BRINP3: variants seen among roughly 807,000 people sequenced by gnomAD.
The protein encoded by BRINP3 is BMP/retinoic acid-inducible neural-specific protein 3.
Under a neutral mutation model 71.0 loss-of-function variants are expected in BRINP3, and 19 were observed. The ratio of observed to expected loss-of-function variants is 0.27; its 90% CI spans 0.19 to 0.39. The LOEUF is 0.39. Among genes scored for constraint, BRINP3 ranks in the 10% least tolerant of loss-of-function variants. The probability of loss-of-function intolerance (pLI) is 1.00; values close to 1 mark genes in which losing one functional copy is unlikely to be tolerated. For missense variants in BRINP3, 959 were observed against 940.8 expected, an observed-to-expected ratio of 1.02 and a Z score of -0.25; for synonymous variants, 380 against 337.7, an observed-to-expected ratio of 1.13 and a Z score of -1.37.
At chr1:190,348,107 T>C (rs1035186707) in intron 2 of BRINP3, among the ~76,000 whole-genome samples, 2 of 152,122 alleles carry the variant, frequency 1.3e-5, no homozygotes, top group African/African-American at 4.8e-5. Flanking sequence ...AAAATTCTAA[T>C]AGGGAAGAGA....
At chr1:190,386,437 T>G (rs1368303904) in intron 2 of BRINP3, among the ~76,000 whole-genome samples, 1 of 151,672 alleles carries the variant, frequency 6.6e-6, no homozygotes, top group Non-Finnish European at 1.5e-5. Flanking sequence ...TATATATTAA[T>G]AATTAAGTTT....
intron 6 of BRINP3, among the ~76,000 whole-genome samples, chr1:190,207,712 C>A (rs1351415269): frequency 2.0e-5 from 3 of 152,086 alleles, no homozygotes; most frequent in Non-Finnish European, 4.4e-5. Flanking sequence ...GGCTACACTT[C>A]ACAAAGTTTC....
chr1:190,198,806 T>C (rs1654730709), intron 6 of BRINP3, among the ~76,000 whole-genome samples: 1 of 152,144 alleles, frequency 6.6e-6, no homozygotes, highest in Non-Finnish European at 1.5e-5. Context: ...AACTTTCCTA[T>C]ACCTTCCTGT....
chr1:190,464,180 C>A (rs1676586942), intron 1 of BRINP3, among the ~76,000 whole-genome samples: 1 of 150,336 alleles, frequency 6.7e-6, no homozygotes. Flanking sequence ...TAGTGATAAT[C>A]CTTAAAGAAA....
intron 2 of BRINP3, among the ~76,000 whole-genome samples, chr1:190,396,509 C>G (rs142410495): frequency 1.3e-5 from 2 of 150,990 alleles, no homozygotes; most frequent in African/African-American, 4.9e-5. Context: ...TACATTAAAA[C>G]GACCAACTTA....
At chr1:190,393,182 C>A (rs2102314476) in intron 2 of BRINP3, among the ~76,000 whole-genome samples, 1 of 151,624 alleles carries the variant, frequency 6.6e-6, no homozygotes, top group African/African-American at 2.4e-5. Flanking sequence ...ATATTAAGCA[C>A]ACATTTACAT....
At chr1:190,103,389 A>G (rs957112289) in intron 7 of BRINP3, among the ~76,000 whole-genome samples, 2 of 151,668 alleles carry the variant, frequency 1.3e-5, no homozygotes, top group African/African-American at 4.8e-5. Context: ...TTGACTATAC[A>G]TTTTTTTTGT....
chr1:190,165,116 G>A (rs1313586143), intron 6 of BRINP3, among the ~76,000 whole-genome samples: 2 of 151,420 alleles, frequency 1.3e-5, no homozygotes, highest in Admixed American at 6.6e-5. Context: ...TGATCACAGG[G>A]CACATAAAAT....
chr1:190,385,161 T>G (rs1025072215), intron 2 of BRINP3, among the ~76,000 whole-genome samples: 3 of 152,012 alleles, frequency 2.0e-5, no homozygotes, highest in African/African-American at 7.2e-5. Flanking sequence ...ATTCAGAACA[T>G]AGGCATGGGC....
intron 2 of BRINP3, among the ~76,000 whole-genome samples, chr1:190,432,327 T>C (rs1297068253): frequency 6.6e-6 from 1 of 152,198 alleles, no homozygotes; most frequent in Non-Finnish European, 1.5e-5. Context: ...ATATTTCTTC[T>C]ATTTCTAAAA....
intron 2 of BRINP3, among the ~76,000 whole-genome samples, chr1:190,404,642 G>C (rs761000275): frequency 6.6e-6 from 1 of 152,072 alleles, no homozygotes; most frequent in Non-Finnish European, 1.5e-5. Context: ...TCTTTCATAC[G>C]CATTATGTCA....
At chr1:190,368,708 A>G (rs1669665789) in intron 2 of BRINP3, among the ~76,000 whole-genome samples, 1 of 152,080 alleles carries the variant, frequency 6.6e-6, no homozygotes, top group South Asian at 2.1e-4. Flanking sequence ...AAGGGTAATC[A>G]CCCCAGCACG....
At chr1:190,377,548 AAT>A (rs150192290) in intron 2 of BRINP3, among the ~76,000 whole-genome samples, 301 of 145,996 alleles carry the variant, frequency 2.1e-3, no homozygotes, top group Admixed American at 3.5e-3. Context: ...CAGAGGAAAT[AAT>A]ATATATATAT....
chr1:190,394,078 A>T (rs1338669017), intron 2 of BRINP3, among the ~76,000 whole-genome samples: 1 of 151,590 alleles, frequency 6.6e-6, no homozygotes, highest in African/African-American at 2.4e-5. Flanking sequence ...TTAATTTCTT[A>T]TCAGTTAGGT....
intron 7 of BRINP3, among the ~76,000 whole-genome samples, chr1:190,107,306 A>G (rs1652258057): frequency 6.6e-6 from 1 of 151,934 alleles, no homozygotes; most frequent in Admixed American, 6.6e-5. Context: ...TCATTACTCA[A>G]TAACATATTT....
chr1:190,429,592 CCTTT>C (rs1355848594), intron 2 of BRINP3, among the ~76,000 whole-genome samples: 1 of 144,968 alleles, frequency 6.9e-6, no homozygotes, highest in Non-Finnish European at 1.5e-5. Context: ...TTTCTTTCTT[CCTTT>C]TTTTTTTTTT....
intron 2 of BRINP3, among the ~76,000 whole-genome samples, chr1:190,434,585 AAT>A (rs1015135267): frequency 6.6e-6 from 1 of 151,648 alleles, no homozygotes; most frequent in Non-Finnish European, 1.5e-5. Flanking sequence ...GAGAAATTTA[AAT>A]ATATATATAT....
intron 7 of BRINP3, among the ~76,000 whole-genome samples, chr1:190,142,612 T>A (rs1469937920): frequency 6.6e-6 from 1 of 152,148 alleles, no homozygotes; most frequent in East Asian, 1.9e-4. Flanking sequence ...TTTTTTACAA[T>A]TTAATTTTCT....
chr1:190,232,310 T>C (rs1264914070), intron 5 of BRINP3, among the ~76,000 whole-genome samples: 1 of 152,028 alleles, frequency 6.6e-6, no homozygotes, highest in African/African-American at 2.4e-5. Flanking sequence ...ATGGTAACAT[T>C]GATCCAGAAT....
Sources: allele counts gnomAD v4.1 joint callset (sites outside exome capture counted in the v4.1 genomes callset), GRCh38; gene constraint gnomAD v4.1.1; transcripts MANE v1.5; gene names NCBI Gene and HGNC (gene_info 2026-07-23, HGNC 2026-07-21).